The following ZFPM2 variants were observed in gnomAD, a reference collection of about 807,000 sequenced individuals.
The protein encoded by ZFPM2 is zinc finger protein ZFPM2.
In ZFPM2, 20 loss-of-function variants were observed where a neutral mutation model predicts 98.6. That is an observed-to-expected ratio of 0.20 (90% CI 0.14 to 0.29). ZFPM2 has a LOEUF of 0.29. Ranked by LOEUF, ZFPM2 falls within the 10% of genes least tolerant of loss-of-function variation. The probability of loss-of-function intolerance (pLI) is 1.00; values close to 1 mark genes in which losing one functional copy is unlikely to be tolerated. For synonymous variants in ZFPM2, 518 were observed against 502.7 expected, an observed-to-expected ratio of 1.03 and a Z score of -0.41; for missense variants, 1,310 against 1,388.6, an observed-to-expected ratio of 0.94 and a Z score of 0.90.
At chr8:105,563,390 G>T (rs34665962) in intron 4 of ZFPM2, among the ~76,000 whole-genome samples, 17,077 of 152,130 alleles carry the variant, frequency 0.11, 1,073 homozygotes, top group Admixed American at 0.16. Context: ...TTATTACTTT[G>T]TACATTCATG....
At chr8:105,585,700 T>G (rs150617739) in intron 4 of ZFPM2, among the ~76,000 whole-genome samples, 1 of 152,128 alleles carries the variant, frequency 6.6e-6, no homozygotes, top group East Asian at 1.9e-4. Context: ...TAGTTATAAA[T>G]AGAGGAAATA....
At chr8:105,800,986 C>T (rs1352457943) in intron 7 of ZFPM2, 61 bp from the exon 8 acceptor site, 5 of 1,471,858 alleles carry the variant, frequency 3.4e-6, no homozygotes, top group Non-Finnish European at 3.7e-6. Context: ...AGAAAAGGTC[C>T]CTGTCATTCA....
At chr8:105,474,111 G>A (rs1283406760) in intron 3 of ZFPM2, among the ~76,000 whole-genome samples, 1 of 152,188 alleles carries the variant, frequency 6.6e-6, no homozygotes, top group Admixed American at 6.5e-5. Context: ...ACTAAGCGAG[G>A]TTCTTGACTA....
intron 5 of ZFPM2, among the ~76,000 whole-genome samples, chr8:105,744,537 C>T (rs1812298595): frequency 6.6e-6 from 1 of 151,906 alleles, no homozygotes; most frequent in Non-Finnish European, 1.5e-5. Flanking sequence ...TAATCACAAA[C>T]TGAAAAAGGT....
In ZFPM2 at chr8:105,779,580, G is replaced by C. The variant is rs556644432; in HGVS notation, c.533-9138G>C. On this transcript the variant is annotated intron_variant, in intron 5 of 7. Coordinates refer to ENST00000407775, the MANE Select transcript of ZFPM2 (RefSeq NM_012082.4). Reference sequence around the variant, plus strand: ...ATTTTGCTTATACAGAACTCTATAGGTATGGTCGAACAATATAATTGAAGC... The same window carrying C: ...ATTTTGCTTATACAGAACTCTATAGCTATGGTCGAACAATATAATTGAAGC... 4.6e-5 allele frequency among the ~76,000 whole-genome samples: 7 copies of C among 152,250 alleles called. No individual in the cohort carries two copies. The South Asian group carries it at 1.5e-3, about 32-fold the overall frequency.
intron 3 of ZFPM2, among the ~76,000 whole-genome samples, chr8:105,484,051 ATCT>A (rs1434861255): frequency 1.3e-5 from 2 of 151,554 alleles, no homozygotes; most frequent in East Asian, 1.9e-4. Context: ...TTACTTTTAA[ATCT>A]TCTTTTTTAC....
intron 3 of ZFPM2, among the ~76,000 whole-genome samples, chr8:105,510,536 A>G (rs1161538577): frequency 6.6e-6 from 1 of 152,164 alleles, no homozygotes; most frequent in African/African-American, 2.4e-5. Context: ...TATGGTTAAA[A>G]TATGCAAAAG....
At chr8:105,626,061 A>G (rs1190753123) in intron 4 of ZFPM2, among the ~76,000 whole-genome samples, 1 of 152,152 alleles carries the variant, frequency 6.6e-6, no homozygotes, top group East Asian at 1.9e-4. Flanking sequence ...AATAGCATCA[A>G]GTGCAAACTT....
intron 2 of ZFPM2, among the ~76,000 whole-genome samples, chr8:105,422,196 G>A (rs1563651411): frequency 6.6e-6 from 1 of 152,098 alleles, no homozygotes; most frequent in South Asian, 2.1e-4. Context: ...CAAGCACTTT[G>A]GGAGGCTGAG....
intron 5 of ZFPM2, among the ~76,000 whole-genome samples, chr8:105,659,624 T>A (rs1817350846): frequency 6.6e-6 from 1 of 152,210 alleles, no homozygotes; most frequent in Non-Finnish European, 1.5e-5. Flanking sequence ...TACAGATATT[T>A]GTATGGAGTT....
chr8:105,750,137 T>A (rs1000629234), intron 5 of ZFPM2, among the ~76,000 whole-genome samples: 1 of 152,046 alleles, frequency 6.6e-6, no homozygotes, highest in African/African-American at 2.4e-5. Flanking sequence ...ATTGAAATCT[T>A]CAAAAACTCC....
chr8:105,542,316 A>T (rs1422874640), intron 3 of ZFPM2, among the ~76,000 whole-genome samples: 1 of 152,146 alleles, frequency 6.6e-6, no homozygotes, highest in South Asian at 2.1e-4. Flanking sequence ...ACCTGAGGTG[A>T]TAGATTTTAT....
At chr8:105,526,414 G>GACACAGGTAAC (rs1814174157) in intron 3 of ZFPM2, among the ~76,000 whole-genome samples, 1 of 152,166 alleles carries the variant, frequency 6.6e-6, no homozygotes, top group South Asian at 2.1e-4. Context: ...AAGAATGTTA[G>GACACAGGTAAC]ACACAGGTAA....
chr8:105,720,931 G>C (rs1811647926), intron 5 of ZFPM2, among the ~76,000 whole-genome samples: 3 of 151,874 alleles, frequency 2.0e-5, no homozygotes, highest in South Asian at 2.1e-4. Context: ...GTAGGGTCTT[G>C]GGCCTTTCGT....
Position 105,801,761 on chromosome 8 carries a change from T to G in ZFPM2, c.1679T>G (p.Leu560Trp). Residue 560 changes from leucine (L) to tryptophan (W), a missense_variant, in exon 8 of 8, where the codon TTG becomes TGG. Coordinates refer to ENST00000407775, the MANE Select transcript of ZFPM2 (RefSeq NM_012082.4). Reference protein sequence around the residue: ...CFECNITFNNLDNYLVHKKHY... With the variant: ...CFECNITFNNWDNYLVHKKHY... ...GAGTGTAACATAACATTCAATAATT[T>G]GGATAATTATCTAGTGCACAAAAAG... The G allele has an allele frequency of 6.2e-7, 1 of 1,613,962 alleles. No homozygotes were observed. Among genetic ancestry groups the G allele is most frequent in the East Asian group, 2.2e-5 (1 of 44,864 alleles).
chr8:105,534,466 C>CCTTCCTTT (rs1294792945), intron 3 of ZFPM2, among the ~76,000 whole-genome samples: 1 of 142,404 alleles, frequency 7.0e-6, no homozygotes, highest in Non-Finnish European at 1.5e-5. Flanking sequence ...TTCCTTCCTC[C>CCTTCCTTT]CTTCCTTTCT....
At chr8:105,511,231 G>T (rs1216422824) in intron 3 of ZFPM2, among the ~76,000 whole-genome samples, 2 of 152,180 alleles carry the variant, frequency 1.3e-5, no homozygotes, top group Non-Finnish European at 2.9e-5. Context: ...GCTCTGCCAG[G>T]TGCTAATGTT....
At chr8:105,688,540 T>A (rs1810798874) in intron 5 of ZFPM2, among the ~76,000 whole-genome samples, 1 of 152,070 alleles carries the variant, frequency 6.6e-6, no homozygotes, top group Admixed American at 6.6e-5. Context: ...TGGGCGAAAA[T>A]AATTTAAAAT....
chr8:105,419,152 G>A lies in ZFPM2; in HGVS notation c.49G>A (p.Glu17Lys), dbSNP rs747694879. 2.5e-6 allele frequency: 4 copies of A among 1,611,904 alleles called. No individual in the cohort carries two copies. Among genetic ancestry groups the A allele is most frequent in the Admixed American group, 1.7e-5 (1 of 59,614 alleles). ...CCTGATTCTTTTTCAAGGGCCGCTT[G>A]AAGATGCCATTGAAGATGAGGAAGA... ...SKPRQIKRPL[E>K]DAIEDEEEEC... The change falls in exon 2 of 8, where the codon GAA (glutamate) becomes AAA (lysine). Residue 17 changes from glutamate (E) to lysine (K), a missense_variant. Transcript: ENST00000407775.
Sources: allele counts gnomAD v4.1 joint callset (sites outside exome capture counted in the v4.1 genomes callset), GRCh38; gene constraint gnomAD v4.1.1; transcripts MANE v1.5; gene names NCBI Gene and HGNC (gene_info 2026-07-23, HGNC 2026-07-21).